ABLIM2: variants seen among roughly 807,000 people sequenced by gnomAD.
ABLIM2 encodes the protein actin binding LIM protein family member 2.
Under a neutral mutation model 97.7 loss-of-function variants are expected in ABLIM2, and 53 were observed. That is an observed-to-expected ratio of 0.54 (90% CI 0.44 to 0.68). The LOEUF is 0.68. Among genes scored for constraint, ABLIM2 ranks in the 30% least tolerant of loss-of-function variants. The pLI is 0.00. For synonymous variants in ABLIM2, 361 were observed against 345.8 expected, an observed-to-expected ratio of 1.04 and a Z score of -0.49; for missense variants, 835 against 867.2, an observed-to-expected ratio of 0.96 and a Z score of 0.47.
At chr4:8,153,963 C>CTTTTTTTTT (rs55681745) in intron 1 of ABLIM2, among the ~76,000 whole-genome samples, 1 of 131,872 alleles carries the variant, frequency 7.6e-6, no homozygotes, top group Non-Finnish European at 1.6e-5. Flanking sequence ...AACTTCTTTT[C>CTTTTTTTTT]TTTTTTTTTT....
chr4:8,010,212 G>A (rs1473074980), intron 14 of ABLIM2, among the ~76,000 whole-genome samples: 2 of 152,202 alleles, frequency 1.3e-5, no homozygotes, highest in Non-Finnish European at 2.9e-5. Flanking sequence ...TCACCCAGCT[G>A]GGCTGACATT....
intron 1 of ABLIM2, among the ~76,000 whole-genome samples, chr4:8,115,696 A>G (rs930078091): frequency 4.0e-4 from 61 of 152,294 alleles, no homozygotes; most frequent in African/African-American, 1.4e-3. Context: ...CCGTTCTTAC[A>G]TGCTCTCCTA....
In ABLIM2 at chr4:8,106,608, G is replaced by C; in HGVS notation, c.40C>G (p.Leu14Val). The C allele has an allele frequency of 1.9e-6, 3 of 1,612,204 alleles. No homozygotes were observed. Among genetic ancestry groups the C allele is most frequent in the Non-Finnish European group, 2.5e-6 (3 of 1,179,242 alleles). The change falls in exon 2 of 21, where the codon CTG (leucine) becomes GTG (valine). Residue 14 changes from leucine (L) to valine (V), a missense_variant. Physicochemically the swap from Leu to Val is conservative, Grantham distance 32. Transcript: ENST00000447017. ...VSQPQAAPSPLEKSPSTAILC... is the reference protein window; with the variant it reads ...VSQPQAAPSPVEKSPSTAILC... Reference sequence around the variant, plus strand: ...ATCGCCGTGCTGGGCGACTTCTCCAGCGGGCTGGGAGCAGCCTGGGGCTGC... The same window carrying C: ...ATCGCCGTGCTGGGCGACTTCTCCACCGGGCTGGGAGCAGCCTGGGGCTGC...
chr4:8,078,346 C>T (rs1407468017), intron 5 of ABLIM2, among the ~76,000 whole-genome samples: 9 of 152,270 alleles, frequency 5.9e-5, no homozygotes, highest in African/African-American at 1.9e-4. Context: ...TCCCCACGCA[C>T]ACGTGCGGCC....
At chr4:7,997,106 C>G (rs966619422) in intron 16 of ABLIM2, among the ~76,000 whole-genome samples, 1 of 152,144 alleles carries the variant, frequency 6.6e-6, no homozygotes, top group Admixed American at 6.6e-5. Flanking sequence ...GAGTCTTGCT[C>G]TGTTGCCCAG....
At chr4:8,018,879 G>A (rs1161006324) in intron 14 of ABLIM2, among the ~76,000 whole-genome samples, 3 of 152,188 alleles carry the variant, frequency 2.0e-5, no homozygotes, top group Non-Finnish European at 4.4e-5. Flanking sequence ...AAGTTCCCAC[G>A]GTCAGCCTGT....
rs533972222 is a variant in ABLIM2 at position 8,044,705 on chromosome 4, C to T, written c.900+459G>A. 0.014 allele frequency among the ~76,000 whole-genome samples: 2,010 copies of T among 146,012 alleles called. 47 individuals carry two copies. The highest frequency in any genetic ancestry group is 0.049 in the African/African-American group (1,896 of 38,826). ...TCTCTCTCTCTCGAACGAACGAAAA[C>T]GGGATCACATAATTTACATCACCCT... is the stretch of plus-strand genomic sequence containing the variant. On this transcript the variant is annotated intron_variant, in intron 9 of 20. Coordinates refer to ENST00000447017, the MANE Select transcript of ABLIM2 (RefSeq NM_001130083.2). This position sits in a 1 kb window ranked among gnomAD's most constrained non-coding sequence, Gnocchi z 4.4.
chr4:8,118,254 G>C (rs1314480199), intron 1 of ABLIM2, among the ~76,000 whole-genome samples: 2 of 152,222 alleles, frequency 1.3e-5, no homozygotes, highest in South Asian at 4.1e-4. Flanking sequence ...CATCTGGGGA[G>C]ACGCCAGAGG....
In ABLIM2 at chr4:8,019,645, T is replaced by A. The variant is rs767609264; in HGVS notation, c.1396A>T (p.Arg466Trp). The change falls in exon 14 of 21, where the codon AGG becomes TGG. Residue 466 changes from arginine (R) to tryptophan (W), a missense_variant. Coordinates refer to ENST00000447017, the MANE Select transcript of ABLIM2 (RefSeq NM_001130083.2). This position sits in a 1 kb window ranked among gnomAD's most constrained non-coding sequence, Gnocchi z 4.3. ...TGCTGTCTGTAGATAGGGGGTTTCC[T>A]ATAGATGTTATCTTTTACGCCAGTG... Reference protein sequence around the residue: ...PDTGVKDNIYRKPPIYRQHAA... With the variant: ...PDTGVKDNIYWKPPIYRQHAA... 4 of 1,612,548 alleles carry A rather than the reference T, an allele frequency of 2.5e-6. No homozygotes were observed. Among genetic ancestry groups the A allele is most frequent in the Non-Finnish European group, 3.4e-6 (4 of 1,179,430 alleles).
At chr4:8,100,678 G>A (rs1315365777) in intron 2 of ABLIM2, among the ~76,000 whole-genome samples, 2 of 151,290 alleles carry the variant, frequency 1.3e-5, no homozygotes, top group Non-Finnish European at 2.9e-5. Flanking sequence ...CCTGGAAGGC[G>A]GAGATTGCGG....
intron 6 of ABLIM2, among the ~76,000 whole-genome samples, chr4:8,064,507 C>T (rs561614694): frequency 5.9e-5 from 9 of 152,238 alleles, no homozygotes; most frequent in Non-Finnish European, 1.3e-4. Flanking sequence ...GTGCCCCCTT[C>T]ACGCTGGACT....
At position 8,043,010 on chromosome 4, in the gene ABLIM2, G is replaced by C. The variant is rs542025621; in HGVS notation, c.900+2154C>G. 2.0e-5 allele frequency among the ~76,000 whole-genome samples: 3 copies of C among 152,026 alleles called. No individual in the cohort carries two copies. The highest frequency in any genetic ancestry group is 4.4e-5 in the Non-Finnish European group (3 of 68,012). Reference sequence around the variant, plus strand: ...AACAAAAAATACAAAAATTAGCCAGGTGTGATGGTGCATGCCTGTAGTCCC... The same window carrying C: ...AACAAAAAATACAAAAATTAGCCAGCTGTGATGGTGCATGCCTGTAGTCCC... On this transcript the variant is annotated intron_variant, in intron 9 of 20. Coordinates refer to ENST00000447017, the MANE Select transcript of ABLIM2 (RefSeq NM_001130083.2). This position sits in a 1 kb window ranked among gnomAD's most constrained non-coding sequence, Gnocchi z 4.8.
chr4:8,060,811 C>G (rs916649976), intron 7 of ABLIM2, among the ~76,000 whole-genome samples, 156 bp downstream of exon 7: 4 of 152,198 alleles, frequency 2.6e-5, no homozygotes, highest in Non-Finnish European at 5.9e-5. Flanking sequence ...TGGCACGTGC[C>G]ACCGCCCTGC....
chr4:8,008,262 A>G (rs1249403559), intron 15 of ABLIM2, 62 bp from the exon 16 acceptor site: 10 of 1,515,424 alleles, frequency 6.6e-6, no homozygotes, highest in Non-Finnish European at 9.1e-6. Context: ...GGAACATCTC[A>G]CTGGACCCTT....
chr4:7,998,928 A>C lies in ABLIM2; in HGVS notation c.1619-6001T>G, dbSNP rs896771191. On this transcript the variant is annotated intron_variant, in intron 16 of 20. Coordinates refer to ENST00000447017, the MANE Select transcript of ABLIM2 (RefSeq NM_001130083.2). This position sits in a 1 kb window ranked among gnomAD's most constrained non-coding sequence, Gnocchi z 6.4. ...GTATGTAGCAGAGAAGAGCAGAGAG[A>C]GACGAGGCGACACTATCTCACCCCC... is the stretch of plus-strand genomic sequence containing the variant. Among the ~76,000 whole-genome samples the C allele has an allele frequency of 2.6e-5, 4 of 152,156 alleles. No homozygotes were observed. Among genetic ancestry groups the C allele is most frequent in the African/African-American group, 9.7e-5 (4 of 41,442 alleles).
rs1414950926 is a variant in ABLIM2, at chr4:8,132,090, C to CGTGGGGTGTGGTGTACTA, written c.11-25471_11-25454dup. The stretch of plus-strand genomic sequence containing the variant: ...GCCTCGGGGTGCCTGGACATCCCTC[C>CGTGGGGTGTGGTGTACTA]GTGGGGTGTGGTGTACTAGCGGGAT... On this transcript the variant is annotated intron_variant, in intron 1 of 20. Transcript: ENST00000447017. This position sits in a 1 kb window ranked among gnomAD's most constrained non-coding sequence, Gnocchi z 8.0. Among the ~76,000 whole-genome samples the CGTGGGGTGTGGTGTACTA allele has an allele frequency of 1.1e-4, 17 of 152,272 alleles. No individual in the cohort carries two copies. The East Asian group carries it at 3.1e-3, about 28-fold the overall frequency.
At chr4:8,059,906 CAAAAAAAAAAAA>C (rs201148410) in intron 7 of ABLIM2, among the ~76,000 whole-genome samples, 8 of 124,122 alleles carry the variant, frequency 6.4e-5, no homozygotes, top group South Asian at 4.8e-4. Context: ...GACTCTGTTT[CAAAAAAAAAAAA>C]AAAAAAAAAC....
chr4:8,151,350 G>A (rs182420698), intron 1 of ABLIM2, among the ~76,000 whole-genome samples: 48 of 152,292 alleles, frequency 3.2e-4, no homozygotes, highest in African/African-American at 1.1e-3. Flanking sequence ...GCACCCACAA[G>A]GACCAGTGAG....
chr4:8,071,692 AACCC>A lies in ABLIM2; in HGVS notation c.675+5932_675+5935del. The A allele has an allele frequency of 2.1e-6, 2 of 937,488 alleles. No homozygotes were observed. Among genetic ancestry groups the A allele is most frequent in the Non-Finnish European group, 2.5e-6 (2 of 786,216 alleles). The allele number at this position is 937,488 out of a possible 1,614,324, so 58.1% of individuals were successfully genotyped here. On this transcript the variant is annotated intron_variant, in intron 6 of 20. Coordinates refer to ENST00000447017, the MANE Select transcript of ABLIM2 (RefSeq NM_001130083.2). This position sits in a 1 kb window ranked among gnomAD's most constrained non-coding sequence, Gnocchi z 6.2. Reference sequence around the variant, plus strand: ...CACACCTGACTGCTCTGTCCCCAAAAACCCACCCACCCGCAGCCCCTCCTGGCCC... The same window carrying A: ...CACACCTGACTGCTCTGTCCCCAAAAACCCACCCGCAGCCCCTCCTGGCCC...
Sources: allele counts gnomAD v4.1 joint callset (sites outside exome capture counted in the v4.1 genomes callset), GRCh38; gene constraint gnomAD v4.1.1; non-coding constraint Gnocchi (gnomAD v3.1); transcripts MANE v1.5; gene names NCBI Gene and HGNC (gene_info 2026-07-23, HGNC 2026-07-21).